ARHGAP10: variants seen among roughly 807,000 people sequenced by gnomAD.
The protein encoded by ARHGAP10 is rho GTPase-activating protein 10.
A neutral mutation model predicts 108.6 loss-of-function variants in ARHGAP10; 87 were observed. That is an observed-to-expected ratio of 0.80 (90% CI 0.67 to 0.96). The LOEUF is 0.96. ARHGAP10 is among the 40% of genes least tolerant of loss of function. The pLI, the probability that ARHGAP10 is intolerant of heterozygous loss-of-function variation, is 0.00. For missense variants in ARHGAP10, 939 were observed against 954.5 expected (o/e 0.98, Z 0.21); for synonymous variants, 347 against 341.1 (o/e 1.02, Z -0.19).
chr4:147,886,596 T>C (rs1253566003), intron 10 of ARHGAP10, among the ~76,000 whole-genome samples: 1 of 152,240 alleles, frequency 6.6e-6, no homozygotes, highest in Non-Finnish European at 1.5e-5. Context: ...ACTCCACTGC[T>C]TCTTTCCTTC....
chr4:148,043,740 A>G (rs1728748732), intron 19 of ARHGAP10, among the ~76,000 whole-genome samples: 1 of 134,636 alleles, frequency 7.4e-6, no homozygotes, highest in Non-Finnish European at 1.5e-5. Context: ...ATATGTGTAT[A>G]TATATGTATA....
At chr4:147,820,066 C>A (rs972251684) in intron 1 of ARHGAP10, among the ~76,000 whole-genome samples, 2 of 152,112 alleles carry the variant, frequency 1.3e-5, no homozygotes, top group Non-Finnish European at 2.9e-5. Flanking sequence ...GTGCCTAGGA[C>A]TAGCCCTATC....
At chr4:147,733,575 T>C (rs1231511816) in intron 1 of ARHGAP10, among the ~76,000 whole-genome samples, 4 of 152,194 alleles carry the variant, frequency 2.6e-5, no homozygotes, top group African/African-American at 9.7e-5. Context: ...TGTTTGTAGA[T>C]ACCACCTCTG....
intron 13 of ARHGAP10, among the ~76,000 whole-genome samples, chr4:147,926,243 A>G (rs1737456358): frequency 6.6e-6 from 1 of 152,036 alleles, no homozygotes; most frequent in Non-Finnish European, 1.5e-5. Flanking sequence ...CAGAGAATAG[A>G]ATTGGTGGGA....
At chr4:147,825,314 G>A (rs1048521537) in intron 3 of ARHGAP10, among the ~76,000 whole-genome samples, 7 of 152,096 alleles carry the variant, frequency 4.6e-5, no homozygotes, top group Non-Finnish European at 8.8e-5. Context: ...GCTGGGTGTT[G>A]TGGGCACCTG....
chr4:147,732,492 G>T, intron 1 of ARHGAP10, 37 bp downstream of exon 1: 1 of 1,604,420 alleles, frequency 6.2e-7, no homozygotes, highest in Non-Finnish European at 8.5e-7. Flanking sequence ...GCTGCGGCGT[G>T]GCGAGGCGGC....
chr4:148,029,806 G>C (rs1728053524), intron 19 of ARHGAP10, among the ~76,000 whole-genome samples: 1 of 152,132 alleles, frequency 6.6e-6, no homozygotes, highest in African/African-American at 2.4e-5. Flanking sequence ...CTAAGACCAG[G>C]CTTGAATGTG....
At chr4:147,920,242 C>T (rs768522072) in intron 13 of ARHGAP10, among the ~76,000 whole-genome samples, 2 of 148,872 alleles carry the variant, frequency 1.3e-5, no homozygotes, top group African/African-American at 2.6e-5. Context: ...GATAGTGAAA[C>T]CCTGGCTCTA....
intron 18 of ARHGAP10, among the ~76,000 whole-genome samples, chr4:148,014,450 G>A (rs897877104): frequency 5.3e-5 from 8 of 152,188 alleles, no homozygotes; most frequent in African/African-American, 1.2e-4. Context: ...TGTTCACACC[G>A]TGAACATAAC....
At chr4:147,965,190 C>G (rs1739160220) in intron 17 of ARHGAP10, 61 bp downstream of exon 17, 1 of 1,332,330 alleles carries the variant, frequency 7.5e-7, no homozygotes, top group East Asian at 2.5e-5. Flanking sequence ...GGGTAGTGCT[C>G]TGGGATTTGT....
At chr4:147,878,925 T>C (rs1305671848) in intron 8 of ARHGAP10, among the ~76,000 whole-genome samples, 1 of 152,080 alleles carries the variant, frequency 6.6e-6, no homozygotes, top group East Asian at 1.9e-4. Flanking sequence ...TATAGGCGCC[T>C]GCCACTATGC....
chr4:148,055,683 G>A (rs1036106627), intron 20 of ARHGAP10, among the ~76,000 whole-genome samples: 1 of 152,176 alleles, frequency 6.6e-6, no homozygotes, highest in Admixed American at 6.5e-5. Flanking sequence ...GCAAGACTCC[G>A]TCTCAGGGAA....
intron 1 of ARHGAP10, among the ~76,000 whole-genome samples, chr4:147,817,756 C>T (rs1189250606): frequency 1.3e-5 from 2 of 152,186 alleles, no homozygotes; most frequent in Non-Finnish European, 2.9e-5. Flanking sequence ...GTTAGCTGTG[C>T]TTTTTGTGCA....
At chr4:147,946,260 G>A (rs1350759980) in intron 14 of ARHGAP10, 2 of 184,618 alleles carry the variant, frequency 1.1e-5, no homozygotes, top group Non-Finnish European at 1.1e-5. Flanking sequence ...AACTGAAAGT[G>A]CCGCTTGCTA....
chr4:147,912,770 T>C (rs1736811181), intron 12 of ARHGAP10, among the ~76,000 whole-genome samples: 1 of 142,690 alleles, frequency 7.0e-6, no homozygotes, highest in Non-Finnish European at 1.5e-5. Flanking sequence ...TTCAGCCTCC[T>C]GAGCAGCTGG....
intron 13 of ARHGAP10, among the ~76,000 whole-genome samples, chr4:147,936,297 G>A (rs1295942682): frequency 6.7e-6 from 1 of 148,468 alleles, no homozygotes; most frequent in African/African-American, 2.5e-5. Context: ...TGGCAGGGCT[G>A]TGCGGCCTCC....
chr4:148,063,562 TGAA>T (rs1729722219), intron 21 of ARHGAP10, among the ~76,000 whole-genome samples: 1 of 152,242 alleles, frequency 6.6e-6, no homozygotes, highest in African/African-American at 2.4e-5. Flanking sequence ...TGTGCATTTA[TGAA>T]GAAGTTCTTA....
intron 17 of ARHGAP10, among the ~76,000 whole-genome samples, chr4:147,966,117 G>A (rs951525462): frequency 1.3e-5 from 2 of 152,200 alleles, no homozygotes; most frequent in Non-Finnish European, 2.9e-5. Flanking sequence ...CTTTTACAAA[G>A]GTGCTACGCA....
At chr4:147,909,882 CTA>C (rs1230305284) in intron 12 of ARHGAP10, 105 bp downstream of exon 12, 1 of 1,110,256 alleles carries the variant, frequency 9.0e-7, no homozygotes, top group Non-Finnish European at 1.3e-6. Flanking sequence ...TCTGCACCCT[CTA>C]TTAGACAGAG....
Sources: gnomAD v4.1 joint callset for allele counts (sites outside exome capture counted in the v4.1 genomes callset) on GRCh38, gnomAD v4.1.1 for gene constraint, MANE v1.5 for transcripts, NCBI Gene and HGNC (gene_info 2026-07-23, HGNC 2026-07-21) for gene names.